Variants in ANAPC1 observed in about 807,000 individuals in gnomAD.
ANAPC1 encodes anaphase promoting complex subunit 1.
A neutral mutation model predicts 208.0 loss-of-function variants in ANAPC1; 36 were observed. The observed-to-expected ratio is 0.17, with a 90% CI of 0.13 to 0.23. The LOEUF (loss-of-function observed/expected upper bound fraction) is 0.23, where lower values mean the gene tolerates loss of function less well. Among genes scored for constraint, ANAPC1 ranks in the 10% least tolerant of loss-of-function variants. ANAPC1 has a pLI of 1.00. For synonymous variants in ANAPC1, 378 were observed against 695.2 expected, an observed-to-expected ratio of 0.54 and a Z score of 7.18; for missense variants, 942 against 2,011.6, an observed-to-expected ratio of 0.47 and a Z score of 10.17.
rs1293843679 is a variant in ANAPC1 at position 111,799,982 on chromosome 2, G to T, written c.4296+815C>A. Among the ~76,000 whole-genome samples, 6 of 100,374 alleles carry T rather than the reference G, an allele frequency of 6.0e-5. 1 individual carries two copies. In the South Asian group the frequency reaches 2.4e-3, roughly 41 times the overall value. The allele number at this position is 100,374 out of a possible 152,430, so 65.8% of individuals were successfully genotyped here. ...GGTACTTAACATTTGTGCATTTCACGATATATAAATTTTATCTTAAAAGGA... is the reference window on the plus strand; with the variant it reads ...GGTACTTAACATTTGTGCATTTCACTATATATAAATTTTATCTTAAAAGGA... On this transcript the variant is annotated intron_variant, in intron 34 of 47. Transcript: ENST00000341068.
chr2:111,835,711 G>A (rs530039508), intron 18 of ANAPC1, among the ~76,000 whole-genome samples: 2 of 152,156 alleles, frequency 1.3e-5, no homozygotes, highest in African/African-American at 4.8e-5. Context: ...TGTGGTGGCG[G>A]GCGCCTGTTA....
chr2:111,824,239 G>GCA (rs1219144776), intron 24 of ANAPC1, among the ~76,000 whole-genome samples: 13 of 70,730 alleles, frequency 1.8e-4, no homozygotes, highest in Non-Finnish European at 6.0e-5. Flanking sequence ...AAGGTAAAAT[G>GCA]CAAAAAAAAA....
chr2:111,855,771 A>C (rs1440714918), intron 13 of ANAPC1, among the ~76,000 whole-genome samples: 2 of 152,242 alleles, frequency 1.3e-5, no homozygotes, highest in Non-Finnish European at 2.9e-5. Flanking sequence ...GGATGCAATC[A>C]CAAAAGAATG....
intron 28 of ANAPC1, among the ~76,000 whole-genome samples, chr2:111,809,939 C>A (rs1678883095): frequency 6.8e-6 from 1 of 146,578 alleles, no homozygotes; most frequent in South Asian, 2.2e-4. Flanking sequence ...TAAGTATGTA[C>A]CACTACTTAC....
At chr2:111,873,217 G>A (rs1682850947) in intron 5 of ANAPC1, 91 bp downstream of exon 5, 8 of 1,226,664 alleles carry the variant, frequency 6.5e-6, no homozygotes, top group Middle Eastern at 2.0e-4. Context: ...TGACTACTAC[G>A]AAACATGAGA....
intron 7 of ANAPC1, among the ~76,000 whole-genome samples, chr2:111,866,606 C>A (rs1682429382): frequency 6.6e-6 from 1 of 150,442 alleles, no homozygotes; most frequent in South Asian, 2.1e-4. Flanking sequence ...CACCCCTAAT[C>A]CCAGCTACTA....
chr2:111,844,715 G>A (rs534873940), intron 16 of ANAPC1, among the ~76,000 whole-genome samples: 1 of 152,212 alleles, frequency 6.6e-6, no homozygotes, highest in East Asian at 1.9e-4. Flanking sequence ...ATTACATGAT[G>A]TTCTAAATGA....
chr2:111,846,718 C>T (rs757278728), intron 16 of ANAPC1, among the ~76,000 whole-genome samples: 5 of 151,394 alleles, frequency 3.3e-5, no homozygotes, highest in Admixed American at 6.6e-5. Context: ...TACAGAAGTG[C>T]GCCACCACAC....
At chr2:111,804,506 C>CTTTTTT (rs1183612859) in intron 30 of ANAPC1, among the ~76,000 whole-genome samples, 4 of 77,970 alleles carry the variant, frequency 5.1e-5, no homozygotes, top group Non-Finnish European at 8.1e-5. Flanking sequence ...TGATTCTTTT[C>CTTTTTT]TTTTTTTTTT....
At chr2:111,870,442 TTTTAA>T (rs1392939011) in intron 6 of ANAPC1, among the ~76,000 whole-genome samples, 4 of 152,280 alleles carry the variant, frequency 2.6e-5, no homozygotes, top group South Asian at 2.1e-4. Flanking sequence ...CTCACTGTGG[TTTTAA>T]TTTGTGTTTC....
chr2:111,827,132 G>T (rs1161459002), intron 21 of ANAPC1, among the ~76,000 whole-genome samples: 3 of 152,016 alleles, frequency 2.0e-5, no homozygotes, highest in Non-Finnish European at 4.4e-5. Flanking sequence ...CTCACCAAAA[G>T]TTATTTTCAG....
intron 1 of ANAPC1, among the ~76,000 whole-genome samples, chr2:111,883,003 TA>T (rs1683394902): frequency 6.6e-6 from 1 of 151,496 alleles, no homozygotes; most frequent in African/African-American, 2.4e-5. Context: ...CCATCTCTAC[TA>T]AAAATACAAA....
intron 1 of ANAPC1, among the ~76,000 whole-genome samples, chr2:111,881,657 G>C (rs1683303675): frequency 6.6e-6 from 1 of 152,200 alleles, no homozygotes; most frequent in Admixed American, 6.5e-5. Context: ...CAAAAGTACA[G>C]ATAAGCATAA....
In ANAPC1 at chr2:111,872,696, G is replaced by C; in HGVS notation, c.545C>G (p.Pro182Arg). 1 of 1,613,408 alleles carries C rather than the reference G, an allele frequency of 6.2e-7. No homozygotes were observed. The highest frequency in any genetic ancestry group is 8.5e-7 in the Non-Finnish European group (1 of 1,179,502). ...TTCAAACAGCAATCCATATTTAGTGGGCCAAACATTTGCAACCTTTCAGGT... is the reference window on the plus strand; with the variant it reads ...TTCAAACAGCAATCCATATTTAGTGCGCCAAACATTTGCAACCTTTCAGGT... ...SLPFQVANVW[P>R]TKYGLLFERS... is the part of the protein sequence containing the mutation. Residue 182 changes from proline to arginine, a missense_variant, in exon 6 of 48, where the codon CCC becomes CGC. Coordinates refer to ENST00000341068, the MANE Select transcript of ANAPC1 (RefSeq NM_022662.4).
intron 28 of ANAPC1, among the ~76,000 whole-genome samples, chr2:111,812,550 AAGAGAACC>A (rs1166117645): frequency 7.1e-6 from 1 of 141,410 alleles, no homozygotes; most frequent in African/African-American, 2.6e-5. Flanking sequence ...CAAGGGTCTG[AAGAGAACC>A]CTTCTGTTTT....
At chr2:111,840,863 CA>C (rs1398938650) in intron 17 of ANAPC1, among the ~76,000 whole-genome samples, 1 of 152,118 alleles carries the variant, frequency 6.6e-6, no homozygotes, top group Non-Finnish European at 1.5e-5. Flanking sequence ...GCCGACACGG[CA>C]AAACCCCGTC....
intron 21 of ANAPC1, among the ~76,000 whole-genome samples, chr2:111,826,088 G>C (rs570310228): frequency 8.5e-5 from 13 of 152,180 alleles, no homozygotes; most frequent in African/African-American, 3.1e-4. Context: ...GAGTCTCGCT[G>C]TGTTGCCCAG....
rs779990434 is a variant in ANAPC1, at chr2:111,825,015, T to A, written c.2763A>T (p.Thr921=). 9.9e-6 allele frequency: 16 copies of A among 1,613,802 alleles called. No individual in the cohort carries two copies. The highest frequency in any genetic ancestry group is 1.4e-5 in the Non-Finnish European group (16 of 1,179,870). The change falls in exon 24 of 48, where the codon ACA becomes ACT. Residue 921 remains threonine, a synonymous_variant. Coordinates refer to ENST00000341068, the MANE Select transcript of ANAPC1 (RefSeq NM_022662.4). ...ATCTTTCAGCTAGACTAGAAACAGATGTAGAATGCCTGAAACTAAACCTAT... is the reference window on the plus strand; with the variant it reads ...ATCTTTCAGCTAGACTAGAAACAGAAGTAGAATGCCTGAAACTAAACCTAT... The part of the protein sequence containing the change: ...EENRFSFRHS[T]SVSSLAERLV...
rs1320401969 is a variant in ANAPC1, at chr2:111,884,001, G to T, written c.-84C>A. On this transcript the variant is annotated 5_prime_UTR_variant, in exon 1 of 48. Coordinates refer to ENST00000341068, the MANE Select transcript of ANAPC1 (RefSeq NM_022662.4). ...CCCGGCTGCTCCCCGGAGGCGCAGG[G>T]GCCGAGGAGGCCCGAGGGCAGCGGC... 6.6e-6 allele frequency: 1 copy of T among 152,466 alleles called. No homozygotes were observed. Among genetic ancestry groups the T allele is most frequent in the Non-Finnish European group, 1.5e-5 (1 of 68,222 alleles). 9.4% of individuals were successfully genotyped at this position (152,466 alleles called of 1,614,324 possible). A position where few individuals can be genotyped will look rare whatever the true frequency, so the allele number is the denominator to read the frequency against.
Sources: gnomAD v4.1 joint callset for allele counts (sites outside exome capture counted in the v4.1 genomes callset) on GRCh38, gnomAD v4.1.1 for gene constraint, MANE v1.5 for transcripts, NCBI Gene and HGNC (gene_info 2026-07-23, HGNC 2026-07-21) for gene names.